Variants in CYP4Z1 observed in about 807,000 individuals in gnomAD.
CYP4Z1 encodes cytochrome P450 4Z1.
CYP4Z1 carries 41 observed loss-of-function variants against 54.2 expected under a neutral mutation model. That is an observed-to-expected ratio of 0.76 (90% CI 0.59 to 0.98). The LOEUF is 0.98. Ranked by LOEUF, CYP4Z1 falls within the 50% of genes least tolerant of loss-of-function variation. CYP4Z1 has a pLI of 0.00. For missense variants in CYP4Z1, 513 were observed against 599.0 expected (o/e 0.86, Z 1.50); for synonymous variants, 163 against 206.2 (o/e 0.79, Z 1.79).
chr1:47,104,377 G>A lies in CYP4Z1; in HGVS notation c.1068-1751G>A, dbSNP rs1246578636. 7.2e-5 allele frequency among the ~76,000 whole-genome samples: 11 copies of A among 152,200 alleles called. 1 individual carries two copies. Among genetic ancestry groups the A allele is most frequent in the Admixed American group, 4.6e-4 (7 of 15,288 alleles). ...GAGCATGCCCGTTCTTGGGCACCAA[G>A]GTGATGTATACTAGCACCAGTGTTA... On this transcript the variant is annotated intron_variant, in intron 8 of 11. Coordinates refer to ENST00000334194, the MANE Select transcript of CYP4Z1 (RefSeq NM_178134.3).
chr1:47,061,466 C>T, the CYP4Z1 span, among the ~76,000 whole-genome samples: 1 of 152,160 alleles, frequency 6.6e-6, no homozygotes, highest in East Asian at 1.9e-4. Flanking sequence ...CATACACCTT[C>T]CCTAGACTGA....
chr1:47,061,248 C>T, the CYP4Z1 span, among the ~76,000 whole-genome samples: 1 of 151,318 alleles, frequency 6.6e-6, no homozygotes, highest in African/African-American at 2.4e-5. Flanking sequence ...TCAATGTTTG[C>T]TTTCTGAAAA....
chr1:47,082,249 A>T (rs1644560073), intron 3 of CYP4Z1, 85 bp from the exon 4 acceptor site: 9 of 1,493,506 alleles, frequency 6.0e-6, no homozygotes, highest in Non-Finnish European at 8.1e-6. Context: ...CCAGTGTCAT[A>T]GATAGGGAAT....
chr1:47,072,926 G>T lies in CYP4Z1; in HGVS notation c.319+4163G>T, dbSNP rs548393170. Among the ~76,000 whole-genome samples, 96 of 152,218 alleles carry T rather than the reference G, an allele frequency of 6.3e-4. 2 individuals are homozygous for T. Among genetic ancestry groups the T allele is most frequent in the African/African-American group, 2.2e-3 (93 of 41,450 alleles). On this transcript the variant is annotated intron_variant, in intron 2 of 11. Transcript: ENST00000334194. The stretch of plus-strand genomic sequence containing the variant: ...CCTAGAAATAGGCATTGTCTTTTAT[G>T]TGTGTGTGGCAAAATACACATAAGG...
intron 8 of CYP4Z1, among the ~76,000 whole-genome samples, chr1:47,105,588 T>G (rs749114756): frequency 1.3e-5 from 2 of 152,176 alleles, no homozygotes; most frequent in Non-Finnish European, 2.9e-5. Context: ...TCCCTCTCCT[T>G]CCTTGCTTTT....
chr1:47,065,222 A>G (rs1280239924), upstream of CYP4Z1, among the ~76,000 whole-genome samples: 2 of 152,172 alleles, frequency 1.3e-5, no homozygotes, highest in African/African-American at 2.4e-5. Context: ...ACAATTGCAG[A>G]ATATACATTC....
upstream of CYP4Z1, among the ~76,000 whole-genome samples, chr1:47,064,460 A>G (rs943134498): frequency 2.6e-5 from 4 of 152,154 alleles, no homozygotes; most frequent in Admixed American, 6.6e-5. Context: ...ACCTTCATCA[A>G]TGAAGGAAAG....
At chr1:47,068,282 T>C (rs925869346) in intron 1 of CYP4Z1, among the ~76,000 whole-genome samples, 7 of 152,212 alleles carry the variant, frequency 4.6e-5, no homozygotes, top group African/African-American at 1.7e-4. Context: ...TTGTAAAATA[T>C]ATTTGGTCTT....
At chr1:47,107,212 T>A (rs1427405622) in intron 9 of CYP4Z1, among the ~76,000 whole-genome samples, 2 of 152,204 alleles carry the variant, frequency 1.3e-5, no homozygotes, top group East Asian at 3.8e-4. Flanking sequence ...CCCCCAGTTC[T>A]GCTGTGGAAA....
chr1:47,062,879 C>A (rs1644431359), upstream of CYP4Z1, among the ~76,000 whole-genome samples: 1 of 152,190 alleles, frequency 6.6e-6, no homozygotes, highest in Admixed American at 6.5e-5. Flanking sequence ...TCCTATAGGA[C>A]CACAGCTGAT....
chr1:47,105,403 C>T (rs1012455712), intron 8 of CYP4Z1, among the ~76,000 whole-genome samples: 6 of 152,054 alleles, frequency 3.9e-5, no homozygotes, highest in Non-Finnish European at 5.9e-5. Flanking sequence ...AATCTCCAGC[C>T]GGCTCCTTAT....
intron 2 of CYP4Z1, among the ~76,000 whole-genome samples, chr1:47,078,086 C>T (rs537831193): frequency 2.2e-4 from 33 of 152,078 alleles, no homozygotes; most frequent in Non-Finnish European, 4.1e-4. Flanking sequence ...AAATTAATAT[C>T]TTAAAGCTAT....
At chr1:47,098,244 C>A (rs1644695016) in intron 7 of CYP4Z1, among the ~76,000 whole-genome samples, 1 of 152,194 alleles carries the variant, frequency 6.6e-6, no homozygotes, top group South Asian at 2.1e-4. Context: ...TTCTTCCTAT[C>A]CATGAGCATG....
At chr1:47,102,925 T>C (rs1378235974) in intron 8 of CYP4Z1, among the ~76,000 whole-genome samples, 1 of 152,186 alleles carries the variant, frequency 6.6e-6, no homozygotes, top group Non-Finnish European at 1.5e-5. Flanking sequence ...TTTCTAACCC[T>C]TTTGTTTCCT....
upstream of CYP4Z1, among the ~76,000 whole-genome samples, chr1:47,062,772 G>C (rs1287182583): frequency 6.6e-6 from 1 of 151,866 alleles, no homozygotes; most frequent in Non-Finnish European, 1.5e-5. Flanking sequence ...GGTAGCCAAA[G>C]ACGAAGGTCA....
chr1:47,076,474 G>A (rs1644521277), intron 2 of CYP4Z1, among the ~76,000 whole-genome samples: 1 of 151,488 alleles, frequency 6.6e-6, no homozygotes, highest in Admixed American at 6.6e-5. Flanking sequence ...CATTGGGTAA[G>A]TTGTTTTCAT....
In CYP4Z1 at chr1:47,116,683, T is replaced by C; in HGVS notation, c.1300T>C (p.Ser434Pro). Reference sequence around the variant, plus strand: ...CCCCTTGAGATTCTCCAGGGAAAATTCTGAAAAAATACATCCCTATGCCTT... The same window carrying C: ...CCCCTTGAGATTCTCCAGGGAAAATCCTGAAAAAATACATCCCTATGCCTT... ...FNPLRFSREN[S>P]EKIHPYAFIP... The change falls in exon 11 of 12, where the codon TCT becomes CCT. Residue 434 changes from serine (S) to proline (P), a missense_variant. By Grantham distance (74) the Ser-to-Pro change is moderately conservative. Coordinates refer to ENST00000334194, the MANE Select transcript of CYP4Z1 (RefSeq NM_178134.3). The C allele has an allele frequency of 6.2e-7, 1 of 1,612,206 alleles. No individual in the cohort carries two copies. Among genetic ancestry groups the C allele is most frequent in the Non-Finnish European group, 8.5e-7 (1 of 1,178,842 alleles).
chr1:47,100,211 A>G (rs1435327539), intron 8 of CYP4Z1, among the ~76,000 whole-genome samples: 1 of 152,126 alleles, frequency 6.6e-6, no homozygotes, highest in Non-Finnish European at 1.5e-5. Flanking sequence ...TCATTCCTCT[A>G]TGGAATTCCG....
intron 8 of CYP4Z1, 120 bp downstream of exon 8, chr1:47,099,404 G>A (rs2148536669): frequency 6.2e-6 from 6 of 966,894 alleles, no homozygotes; most frequent in Non-Finnish European, 9.0e-6. Context: ...GGAAAGGTAA[G>A]GGTGTAGGCT....
Sources: gnomAD v4.1 joint callset for allele counts (sites outside exome capture counted in the v4.1 genomes callset) on GRCh38, gnomAD v4.1.1 for gene constraint, MANE v1.5 for transcripts, NCBI Gene and HGNC (gene_info 2026-07-23, HGNC 2026-07-21) for gene names.